The following NKTR variants were observed in gnomAD, a reference collection of about 807,000 sequenced individuals.
NKTR encodes the protein natural killer cell triggering receptor.
In NKTR, 67 loss-of-function variants were observed where a neutral mutation model predicts 156.3. The observed-to-expected ratio is 0.43, with a 90% CI of 0.35 to 0.53. The LOEUF (loss-of-function observed/expected upper bound fraction) is 0.53. Among genes scored for constraint, NKTR ranks in the 20% least tolerant of loss-of-function variants. The pLI is 0.01. For synonymous variants in NKTR, 640 were observed against 596.6 expected (o/e 1.07, Z -1.06); for missense variants, 1,604 against 1,730.9 (o/e 0.93, Z 1.30).
chr3:42,626,463 T>C (rs1335247020), intron 6 of NKTR, among the ~76,000 whole-genome samples: 1 of 152,126 alleles, frequency 6.6e-6, no homozygotes. Flanking sequence ...GAAAAGAAGA[T>C]ATTGTGGCTA....
rs1577609598 is a variant in NKTR at position 42,646,119 on chromosome 3, A to G, written c.*144A>G. On this transcript the variant is annotated 3_prime_UTR_variant, in exon 17 of 17. Transcript: ENST00000232978. ...TCTTAATTGTTACTGGTTCATTTACATGTGGGGAGAAGAATTTAAAATACA... is the reference window on the plus strand; with the variant it reads ...TCTTAATTGTTACTGGTTCATTTACGTGTGGGGAGAAGAATTTAAAATACA... The G allele has an allele frequency of 1.9e-6, 1 of 516,436 alleles. No homozygotes were observed. Among genetic ancestry groups the G allele is most frequent in the Non-Finnish European group, 3.5e-6 (1 of 284,136 alleles). The allele number at this position is 516,436 out of a possible 1,614,324, so 32.0% of individuals were successfully genotyped here.
chr3:42,634,818 A>G lies in NKTR; in HGVS notation c.1017+118A>G, dbSNP rs372002147. ...AAAATCTGTTCAAGGAACTAATTGT[A>G]TTTTCCATGGTTATGGGAAGGTATT... On this transcript the variant is annotated intron_variant, in intron 11 of 16. Coordinates refer to ENST00000232978, the MANE Select transcript of NKTR (RefSeq NM_005385.4). 3.6e-4 allele frequency: 213 copies of G among 599,614 alleles called. 2 individuals carry two copies. The East Asian group carries it at 4.2e-3, about 12-fold the overall frequency. The allele number at this position is 599,614 out of a possible 1,614,324, so 37.1% of individuals were successfully genotyped here.
chr3:42,610,979 ATTC>A lies in NKTR; in HGVS notation c.59-6587_59-6585del, dbSNP rs1328211366. The A allele has an allele frequency of 4.6e-5, 7 of 152,124 alleles. No individual in the cohort carries two copies. The East Asian group carries it at 1.4e-3, about 29-fold the overall frequency. 9.4% of individuals were successfully genotyped at this position (152,124 alleles called of 1,614,324 possible). ...ATAATTCTTTTTTCTAAATTTTGGT[ATTC>A]TTCCTTTTATCTTCCTAAGTGATTA... On this transcript the variant is annotated intron_variant, in intron 2 of 16. Transcript: ENST00000232978.
intron 2 of NKTR, among the ~76,000 whole-genome samples, chr3:42,603,591 C>T (rs990529075): frequency 1.3e-5 from 2 of 151,106 alleles, no homozygotes; most frequent in African/African-American, 2.4e-5. Flanking sequence ...TTGAGAACGC[C>T]GAATCATATA....
In NKTR at chr3:42,646,383, C is replaced by T. The variant is rs994157160; in HGVS notation, c.*408C>T. 2.3e-5 allele frequency: 4 copies of T among 176,136 alleles called. No homozygotes were observed. Among genetic ancestry groups the T allele is most frequent in the East Asian group, 1.5e-4 (1 of 6,608 alleles). The allele number at this position is 176,136 out of a possible 1,614,324, so 10.9% of individuals were successfully genotyped here. Reference sequence around the variant, plus strand: ...AACTGTGAAGGAGAACTGTTAAAGGCGGCCAAATATTTATATACTGATTAC... The same window carrying T: ...AACTGTGAAGGAGAACTGTTAAAGGTGGCCAAATATTTATATACTGATTAC... On this transcript the variant is annotated 3_prime_UTR_variant, in exon 17 of 17. Transcript: ENST00000232978.
chr3:42,642,315 T>C (rs1709956092), intron 13 of NKTR, among the ~76,000 whole-genome samples, 186 bp from the exon 14 acceptor site: 1 of 152,318 alleles, frequency 6.6e-6, no homozygotes, highest in South Asian at 2.1e-4. Context: ...TATTTTCTTC[T>C]GTTTGATTTT....
At chr3:42,618,525 A>C (rs1282545481) in intron 3 of NKTR, among the ~76,000 whole-genome samples, 1 of 151,516 alleles carries the variant, frequency 6.6e-6, no homozygotes, top group East Asian at 1.9e-4. Context: ...GCTCACTGCA[A>C]CCTCCACCTC....
At chr3:42,602,712 G>C (rs911703375) in intron 2 of NKTR, 1 of 150,060 alleles carries the variant, frequency 6.7e-6, no homozygotes, top group Non-Finnish European at 1.5e-5. Context: ...CCATGCTTTA[G>C]ATAACAGGGT....
chr3:42,625,768 G>A lies in NKTR; in HGVS notation c.374+4252G>A, dbSNP rs73085310. Reference sequence around the variant, plus strand: ...GATTTTTTCATGAGCAAAGATGTTCGTGAAACTTAGCCATAAACCATATTC... The same window carrying A: ...GATTTTTTCATGAGCAAAGATGTTCATGAAACTTAGCCATAAACCATATTC... On this transcript the variant is annotated intron_variant, in intron 6 of 16. Transcript: ENST00000232978. Among the ~76,000 whole-genome samples the A allele has an allele frequency of 3.3e-3, 500 of 152,062 alleles. 1 individual carries two copies. The highest frequency in any genetic ancestry group is 4.8e-3 in the Non-Finnish European group (327 of 68,000).
At chr3:42,631,035 T>C in intron 7 of NKTR, 136 bp from the exon 8 acceptor site, 1 of 1,433,262 alleles carries the variant, frequency 7.0e-7, no homozygotes, top group South Asian at 1.6e-5. Flanking sequence ...CATTCCATTC[T>C]AGTTGCTTCA....
chr3:42,635,352 G>A lies in NKTR; in HGVS notation c.1149G>A (p.Trp383Ter). ...ATAGACCACCTAGTGGAGAAAAATG[G>A]AGTAAAGGAGATAAGTAAGAACTTT... ...RAYRPPSGEK[W>*]SKGDKLSDPC... The change falls in exon 12 of 17, where the codon TGG becomes TGA. Residue 383 changes from tryptophan to a stop codon, truncating the protein, a stop_gained. Coordinates refer to ENST00000232978, the MANE Select transcript of NKTR (RefSeq NM_005385.4). LOFTEE classifies it high-confidence loss of function. 1 of 1,609,382 alleles carries A rather than the reference G, an allele frequency of 6.2e-7. No homozygotes were observed. Among genetic ancestry groups the A allele is most frequent in the East Asian group, 2.2e-5 (1 of 44,704 alleles).
intron 2 of NKTR, among the ~76,000 whole-genome samples, chr3:42,609,570 T>A (rs1706565967): frequency 6.6e-6 from 1 of 152,228 alleles, no homozygotes; most frequent in South Asian, 2.1e-4. Flanking sequence ...ACCTTCAGGA[T>A]CATTTTGTCA....
intron 4 of NKTR, chr3:42,619,332 A>G (rs770494290): frequency 3.9e-6 from 5 of 1,295,306 alleles, no homozygotes; most frequent in Non-Finnish European, 5.0e-6. Context: ...GTTTTTATGC[A>G]GTTTATTTTA....
intron 9 of NKTR, 98 bp from the exon 10 acceptor site, chr3:42,633,482 T>C: frequency 6.7e-7 from 1 of 1,496,136 alleles, no homozygotes; most frequent in Non-Finnish European, 8.9e-7. Context: ...TTGTAAGCTA[T>C]CGTTAATTAT....
chr3:42,621,438 T>G lies in NKTR; in HGVS notation c.296T>G (p.Phe99Cys). Residue 99 changes from phenylalanine (F) to cysteine (C), a missense_variant, in exon 6 of 17, where the codon TTT becomes TGT. Physicochemically the swap from Phe to Cys is radical, Grantham distance 205. Around this residue, in one of 6 missense-constraint regions of NKTR, gnomAD observed 61 missense variants for 113.3 expected, o/e 0.54. Transcript: ENST00000232978. ...TGTTTTCTTCAAACAGATGAAAACTTTATTCTCAAACATGACAGAGCGTTC... is the reference window on the plus strand; with the variant it reads ...TGTTTTCTTCAAACAGATGAAAACTGTATTCTCAAACATGACAGAGCGTTC... ...IYGGYFKDEN[F>C]ILKHDRAFLL... 6.2e-7 allele frequency: 1 copy of G among 1,606,436 alleles called. No homozygotes were observed. Among genetic ancestry groups the G allele is most frequent in the Admixed American group, 1.7e-5 (1 of 57,870 alleles).
intron 6 of NKTR, chr3:42,628,430 T>A (rs1167928019): frequency 4.1e-6 from 4 of 985,294 alleles, no homozygotes; most frequent in Non-Finnish European, 4.8e-6. Flanking sequence ...GCTGCATCGC[T>A]ACACTACTCT....
intron 6 of NKTR, among the ~76,000 whole-genome samples, chr3:42,624,744 G>C (rs960277556): frequency 2.6e-5 from 4 of 152,004 alleles, no homozygotes; most frequent in Non-Finnish European, 5.9e-5. Context: ...TTTTAGTTAA[G>C]GATTAGAAGC....
intron 15 of NKTR, chr3:42,643,655 A>C (rs755957344): frequency 4.3e-5 from 28 of 656,274 alleles, no homozygotes; most frequent in East Asian, 1.4e-4. Context: ...CCAGGTTCAA[A>C]CTAACTCGTT....
Position 42,619,094 on chromosome 3 carries a change from A to G in NKTR, c.208A>G (p.Asn70Asp). The part of the protein sequence containing the change: ...KGSTFHRVVK[N>D]FMIQGGDFSE... ...TTCTACGTTCCATCGTGTGGTTAAAAACTTTATGATTCAGGGTGGGGACTT... is the reference window on the plus strand; with the variant it reads ...TTCTACGTTCCATCGTGTGGTTAAAGACTTTATGATTCAGGGTGGGGACTT... The change falls in exon 4 of 17, where the codon AAC becomes GAC. Residue 70 changes from asparagine (N) to aspartate (D), a missense_variant. Around this residue, in one of 6 missense-constraint regions of NKTR, gnomAD observed 73 missense variants for 90.7 expected, o/e 0.80. Coordinates refer to ENST00000232978, the MANE Select transcript of NKTR (RefSeq NM_005385.4). 6.2e-7 allele frequency: 1 copy of G among 1,610,780 alleles called. No homozygotes were observed. The highest frequency in any genetic ancestry group is 1.1e-5 in the South Asian group (1 of 90,310).
Sources: allele counts gnomAD v4.1 joint callset (sites outside exome capture counted in the v4.1 genomes callset), GRCh38; gene constraint gnomAD v4.1.1; regional missense constraint gnomAD v4.1.1; transcripts MANE v1.5; gene names NCBI Gene and HGNC (gene_info 2026-07-23, HGNC 2026-07-21).